Variants in SPATA17 observed in about 807,000 individuals in gnomAD.
SPATA17 encodes the protein spermatogenesis-associated protein 17.
Under a neutral mutation model 62.2 loss-of-function variants are expected in SPATA17, and 53 were observed. The ratio of observed to expected loss-of-function variants is 0.85; its 90% CI spans 0.68 to 1.07. The LOEUF is 1.07. Among genes scored for constraint, SPATA17 ranks in the 50% least tolerant of loss-of-function variants. The pLI is 0.00. For synonymous variants in SPATA17, 146 were observed against 146.8 expected, an observed-to-expected ratio of 0.99 and a Z score of 0.04; for missense variants, 466 against 425.5, an observed-to-expected ratio of 1.10 and a Z score of -0.84.
At chr1:217,754,566 T>C (rs960967765) in intron 6 of SPATA17, among the ~76,000 whole-genome samples, 4 of 152,292 alleles carry the variant, frequency 2.6e-5, no homozygotes, top group Admixed American at 1.3e-4. Context: ...GATGCTATTA[T>C]GTATAACTGA....
intron 6 of SPATA17, among the ~76,000 whole-genome samples, chr1:217,743,022 G>A (rs1204850834): frequency 1.4e-5 from 1 of 69,132 alleles, no homozygotes; most frequent in Non-Finnish European, 3.2e-5. Context: ...CGCATCTCTA[G>A]CCTGTGCTTG....
In SPATA17 at chr1:217,870,622, G is replaced by A. The variant is rs1047897993; in HGVS notation, c.*3603G>A. The A allele has an allele frequency of 2.6e-5, 4 of 152,104 alleles. No homozygotes were observed. Among genetic ancestry groups the A allele is most frequent in the African/African-American group, 9.7e-5 (4 of 41,420 alleles). 9.4% of individuals were successfully genotyped at this position (152,104 alleles called of 1,614,324 possible). ...GAGACTTTATGTTTGACCAAAGCTGGTAATTCCTTGATCTTATTCTCCAAA... is the reference window on the plus strand; with the variant it reads ...GAGACTTTATGTTTGACCAAAGCTGATAATTCCTTGATCTTATTCTCCAAA... On this transcript the variant is annotated 3_prime_UTR_variant, in exon 11 of 11. Coordinates refer to ENST00000366933, the MANE Select transcript of SPATA17 (RefSeq NM_138796.4).
At chr1:217,819,316 G>A (rs181832667) in intron 9 of SPATA17, among the ~76,000 whole-genome samples, 15 of 151,816 alleles carry the variant, frequency 9.9e-5, no homozygotes, top group African/African-American at 3.4e-4. Context: ...AAATAATGTT[G>A]TAGGGAAGAA....
chr1:217,693,307 A>G (rs552684070), intron 5 of SPATA17, among the ~76,000 whole-genome samples: 14,968 of 98,458 alleles, frequency 0.15, 1,258 homozygotes, highest in African/African-American at 0.24. Context: ...CTCTGATGGT[A>G]GTTTGTATTT....
intron 8 of SPATA17, among the ~76,000 whole-genome samples, chr1:217,801,395 A>G (rs1164023415): frequency 6.6e-6 from 1 of 152,206 alleles, no homozygotes; most frequent in Non-Finnish European, 1.5e-5. Flanking sequence ...GAACATTTTC[A>G]TTTATATGAT....
In SPATA17 at chr1:217,782,173, G is replaced by A. The variant is rs1673745264; in HGVS notation, c.724-1G>A. 1 of 1,585,630 alleles carries A rather than the reference G, an allele frequency of 6.3e-7. No individual in the cohort carries two copies. Among genetic ancestry groups the A allele is most frequent in the South Asian group, 1.2e-5 (1 of 85,936 alleles). On this transcript the variant is annotated splice_acceptor_variant, in intron 7 of 10. Transcript: ENST00000366933. LOFTEE classifies it high-confidence loss of function. ...ATATGTTCCTCATCCTGTCTTGTCA[G>A]GGGCCCTTCCGAGATATCACCGAAG... is the stretch of plus-strand genomic sequence containing the variant.
intron 5 of SPATA17, among the ~76,000 whole-genome samples, chr1:217,689,933 T>C (rs1193452759): frequency 6.6e-6 from 1 of 151,964 alleles, no homozygotes; most frequent in African/African-American, 2.4e-5. Flanking sequence ...GACAGAGTTT[T>C]GCTCTTTTCG....
intron 3 of SPATA17, among the ~76,000 whole-genome samples, chr1:217,666,383 A>T (rs1670694888): frequency 6.6e-6 from 1 of 152,182 alleles, no homozygotes; most frequent in Non-Finnish European, 1.5e-5. Context: ...TTAAGTGTTC[A>T]AGTAACCCAA....
intron 6 of SPATA17, 71 bp from the exon 7 acceptor site, chr1:217,774,263 A>G: frequency 3.8e-6 from 5 of 1,319,316 alleles, no homozygotes; most frequent in Non-Finnish European, 2.1e-6. Context: ...AAAAAATTTC[A>G]TGGTACAACT....
chr1:217,646,057 C>G (rs1670174108), intron 1 of SPATA17, among the ~76,000 whole-genome samples: 1 of 151,928 alleles, frequency 6.6e-6, no homozygotes, highest in African/African-American at 2.4e-5. Flanking sequence ...TTTCCATGGT[C>G]AAAATGTTGA....
intron 5 of SPATA17, among the ~76,000 whole-genome samples, chr1:217,691,152 T>C (rs1336895071): frequency 1.3e-5 from 2 of 148,956 alleles, no homozygotes; most frequent in African/African-American, 2.5e-5. Flanking sequence ...CCAGCACCTG[T>C]TGTTTCCTGA....
chr1:217,810,082 G>C (rs1171477035), intron 9 of SPATA17, among the ~76,000 whole-genome samples: 1 of 152,072 alleles, frequency 6.6e-6, no homozygotes, highest in Non-Finnish European at 1.5e-5. Context: ...TGTGCAAAAT[G>C]TGTTTCCTAA....
At chr1:217,700,766 T>TC (rs980166009) in intron 5 of SPATA17, among the ~76,000 whole-genome samples, 3 of 148,960 alleles carry the variant, frequency 2.0e-5, no homozygotes, top group Non-Finnish European at 3.0e-5. Context: ...CTTTTTCTTT[T>TC]TTTTTTTTTT....
chr1:217,749,176 G>A (rs1672839850), intron 6 of SPATA17, among the ~76,000 whole-genome samples: 1 of 152,156 alleles, frequency 6.6e-6, no homozygotes, highest in Non-Finnish European at 1.5e-5. Context: ...ACTTTCTGGA[G>A]CACATATTTG....
chr1:217,763,760 A>G (rs1472914774), intron 6 of SPATA17, among the ~76,000 whole-genome samples: 1 of 152,188 alleles, frequency 6.6e-6, no homozygotes, highest in Non-Finnish European at 1.5e-5. Flanking sequence ...CTATGGATTC[A>G]AGATGTATTT....
At chr1:217,703,415 G>C (rs1011277503) in intron 5 of SPATA17, among the ~76,000 whole-genome samples, 1 of 146,260 alleles carries the variant, frequency 6.8e-6, no homozygotes, top group African/African-American at 2.5e-5. Context: ...CAGGTGATCC[G>C]CTGGCCTTGG....
chr1:217,634,408 G>A (rs959230465), intron 1 of SPATA17, among the ~76,000 whole-genome samples: 4 of 152,020 alleles, frequency 2.6e-5, no homozygotes, highest in African/African-American at 4.8e-5. Context: ...ATAGAGGGTG[G>A]AACCTGTCTT....
chr1:217,769,477 A>G (rs576741260), intron 6 of SPATA17, among the ~76,000 whole-genome samples: 79 of 152,302 alleles, frequency 5.2e-4, no homozygotes, highest in Non-Finnish European at 9.1e-4. Context: ...TAAGCATATA[A>G]ACAACCTCAT....
At chr1:217,651,311 A>G (rs1477335229) in intron 3 of SPATA17, 133 bp downstream of exon 3, 2 of 617,000 alleles carry the variant, frequency 3.2e-6, no homozygotes, top group Non-Finnish European at 5.3e-6. Flanking sequence ...ATTGGGCTTA[A>G]TTTTTAGTAT....
Sources: allele counts gnomAD v4.1 joint callset (sites outside exome capture counted in the v4.1 genomes callset), GRCh38; gene constraint gnomAD v4.1.1; transcripts MANE v1.5; gene names NCBI Gene and HGNC (gene_info 2026-07-23, HGNC 2026-07-21).